The following TTC28 variants were observed in gnomAD, a reference collection of about 807,000 sequenced individuals.
The protein encoded by TTC28 is tetratricopeptide repeat domain 28, also known as tetratricopeptide repeat protein 28.
In TTC28, 61 loss-of-function variants were observed where a neutral mutation model predicts 198.0. The observed-to-expected ratio is 0.31, with a 90% CI of 0.25 to 0.38. The LOEUF (loss-of-function observed/expected upper bound fraction) is 0.38, where lower values mean the gene tolerates loss of function less well. Among genes scored for constraint, TTC28 ranks in the 10% least tolerant of loss-of-function variants. The pLI, the probability that TTC28 is intolerant of heterozygous loss-of-function variation, is 1.00. For missense variants in TTC28, 2,678 were observed against 3,164.0 expected (o/e 0.85, Z 3.69); for synonymous variants, 1,171 against 1,297.8 (o/e 0.90, Z 2.10).
intron 5 of TTC28, among the ~76,000 whole-genome samples, chr22:28,170,185 T>G (rs1464871171): frequency 6.6e-6 from 1 of 151,974 alleles, no homozygotes; most frequent in East Asian, 1.9e-4. Context: ...TATAGGAAAA[T>G]GTATAAGAAA....
Position 27,996,166 on chromosome 22 carries a change from G to A in TTC28, c.5213C>T (p.Ala1738Val), listed in dbSNP as rs1463038860. The A allele has an allele frequency of 7.1e-6, 11 of 1,550,680 alleles. No individual in the cohort carries two copies. Among genetic ancestry groups the A allele is most frequent in the Admixed American group, 5.9e-5 (3 of 50,986 alleles). Residue 1738 changes from alanine (A) to valine (V), a missense_variant, in exon 17 of 23, where the codon GCG becomes GTG. Ala to Val is a moderately conservative substitution (Grantham distance 64). Coordinates refer to ENST00000397906, the MANE Select transcript of TTC28 (RefSeq NM_001145418.2). ...LTEILQHPER[A>V]RDALRVLLHL... ...CAGCAGCACTCGCAGGGCGTCCCGCGCACGCTCCGGGTGCTGCAGGATCTC... is the reference window on the plus strand; with the variant it reads ...CAGCAGCACTCGCAGGGCGTCCCGCACACGCTCCGGGTGCTGCAGGATCTC...
At chr22:28,125,463 G>A (rs1056053100) in intron 6 of TTC28, among the ~76,000 whole-genome samples, 6 of 152,220 alleles carry the variant, frequency 3.9e-5, no homozygotes, top group African/African-American at 1.4e-4. Flanking sequence ...ACTCAGGGTA[G>A]TAACTGTAGA....
In TTC28 at chr22:28,249,579, T is replaced by C. The variant is rs1930364864; in HGVS notation, c.933+46619A>G. Among the ~76,000 whole-genome samples the C allele has an allele frequency of 2.6e-5, 4 of 152,200 alleles. No individual in the cohort carries two copies. The South Asian group carries it at 6.2e-4, about 24-fold the overall frequency. On this transcript the variant is annotated intron_variant, in intron 5 of 22. Coordinates refer to ENST00000397906, the MANE Select transcript of TTC28 (RefSeq NM_001145418.2). ...TGAGATAATGTCTTGCAATCTCTAGTAGCTCTAGGAACTGATGAATTTCCC... is the reference window on the plus strand; with the variant it reads ...TGAGATAATGTCTTGCAATCTCTAGCAGCTCTAGGAACTGATGAATTTCCC...
chr22:28,069,993 T>G (rs1007332265), intron 12 of TTC28, among the ~76,000 whole-genome samples: 1 of 151,666 alleles, frequency 6.6e-6, no homozygotes, highest in Non-Finnish European at 1.5e-5. Flanking sequence ...TTTTCCATTG[T>G]ACTCTGGTAT....
chr22:28,001,119 C>T (rs1031105209), intron 15 of TTC28: 1 of 446,462 alleles, frequency 2.2e-6, no homozygotes, highest in Non-Finnish European at 4.1e-6. Flanking sequence ...CCTGATGTCA[C>T]AGCAAAGAAA....
intron 5 of TTC28, among the ~76,000 whole-genome samples, chr22:28,197,354 C>T (rs1601461180): frequency 6.6e-6 from 1 of 151,648 alleles, no homozygotes; most frequent in East Asian, 1.9e-4. Flanking sequence ...TGCAGCACAC[C>T]AACATGGCAC....
intron 6 of TTC28, among the ~76,000 whole-genome samples, chr22:28,108,910 G>A (rs965840621): frequency 2.0e-5 from 3 of 152,208 alleles, no homozygotes; most frequent in African/African-American, 7.2e-5. Flanking sequence ...GAAGTACCAT[G>A]TTGCTTTGGC....
intron 6 of TTC28, among the ~76,000 whole-genome samples, chr22:28,120,639 G>C (rs756616810): frequency 6.6e-6 from 1 of 152,198 alleles, no homozygotes; most frequent in African/African-American, 2.4e-5. Flanking sequence ...GGGAGGATAA[G>C]TGGACAGCAT....
intron 5 of TTC28, among the ~76,000 whole-genome samples, chr22:28,192,538 C>T (rs1255814273): frequency 6.6e-6 from 1 of 152,046 alleles, no homozygotes; most frequent in Non-Finnish European, 1.5e-5. Context: ...AAGCTAAAAA[C>T]CTTGAGAAAA....
intron 5 of TTC28, among the ~76,000 whole-genome samples, chr22:28,278,096 G>T (rs1215647293): frequency 1.3e-5 from 2 of 151,884 alleles, no homozygotes; most frequent in African/African-American, 4.8e-5. Context: ...CTCAGCTATT[G>T]GTTCAATCTA....
Position 28,502,566 on chromosome 22 carries a change from T to C in TTC28, c.381+126986A>G, listed in dbSNP as rs187303924. On this transcript the variant is annotated intron_variant, in intron 2 of 22. Coordinates refer to ENST00000397906, the MANE Select transcript of TTC28 (RefSeq NM_001145418.2). ...GGGAGGCTGAGGGAGGAGAATGGTGTGAATCCGGGAGGCAGAGCTTGCAGT... is the reference window on the plus strand; with the variant it reads ...GGGAGGCTGAGGGAGGAGAATGGTGCGAATCCGGGAGGCAGAGCTTGCAGT... 8.6e-3 allele frequency among the ~76,000 whole-genome samples: 1,297 copies of C among 151,268 alleles called. 17 individuals carry two copies. The highest frequency in any genetic ancestry group is 0.03 in the African/African-American group (1,226 of 41,200).
chr22:28,550,200 G>C (rs5762681), intron 2 of TTC28, among the ~76,000 whole-genome samples: 150,737 of 152,304 alleles, frequency 0.99, 74,619 homozygotes, highest in Middle Eastern at 1. Flanking sequence ...AGAAGTAGAT[G>C]TTAAATTCTT....
chr22:28,024,162 G>C (rs935354610), intron 13 of TTC28, among the ~76,000 whole-genome samples: 1 of 152,156 alleles, frequency 6.6e-6, no homozygotes, highest in Admixed American at 6.5e-5. Context: ...AGGGGAGAGG[G>C]CATGGACACA....
chr22:27,985,503 GCA>G (rs1937179285), intron 21 of TTC28, 147 bp from the exon 22 acceptor site: 1 of 625,052 alleles, frequency 1.6e-6, no homozygotes. Context: ...CCCCATGTCT[GCA>G]CAGAGGTTGG....
chr22:28,421,749 C>G (rs2047257279), intron 2 of TTC28, among the ~76,000 whole-genome samples: 1 of 151,922 alleles, frequency 6.6e-6, no homozygotes, highest in Non-Finnish European at 1.5e-5. Context: ...AGATCGAGAC[C>G]ATCCTGGCTA....
intron 6 of TTC28, among the ~76,000 whole-genome samples, chr22:28,153,788 T>C (rs1943673694): frequency 6.6e-6 from 1 of 152,220 alleles, no homozygotes; most frequent in Admixed American, 6.5e-5. Flanking sequence ...ATATAAAATG[T>C]TTTTCTGACT....
At chr22:28,220,349 A>G (rs1394180527) in intron 5 of TTC28, among the ~76,000 whole-genome samples, 2 of 152,182 alleles carry the variant, frequency 1.3e-5, no homozygotes, top group Non-Finnish European at 2.9e-5. Flanking sequence ...CAGTTCTGTG[A>G]GTAAGGAGTC....
intron 6 of TTC28, among the ~76,000 whole-genome samples, chr22:28,139,699 A>G (rs1432596443): frequency 6.6e-6 from 1 of 150,590 alleles, no homozygotes; most frequent in East Asian, 1.9e-4. Flanking sequence ...TCTGAGCTGA[A>G]GTTCCTTTTT....
At chr22:28,591,040 C>CATAT (rs377761638) in intron 2 of TTC28, among the ~76,000 whole-genome samples, 44 of 30,728 alleles carry the variant, frequency 1.4e-3, no homozygotes, top group African/African-American at 5.9e-3. Flanking sequence ...CACACACACA[C>CATAT]ATATATATAT....
Sources: allele counts gnomAD v4.1 joint callset (sites outside exome capture counted in the v4.1 genomes callset), GRCh38; gene constraint gnomAD v4.1.1; transcripts MANE v1.5; gene names NCBI Gene and HGNC (gene_info 2026-07-23, HGNC 2026-07-21).